ARHGAP32: variants seen among roughly 807,000 people sequenced by gnomAD.
ARHGAP32 encodes Rho GTPase activating protein 32, also known as rho GTPase-activating protein 32.
A neutral mutation model predicts 186.5 loss-of-function variants in ARHGAP32; 51 were observed. The ratio of observed to expected loss-of-function variants is 0.27; its 90% CI spans 0.22 to 0.35. ARHGAP32 has a LOEUF of 0.35. Ranked by LOEUF, ARHGAP32 falls within the 10% of genes least tolerant of loss-of-function variation. ARHGAP32 has a pLI of 1.00. For synonymous variants in ARHGAP32, 950 were observed against 964.3 expected (o/e 0.99, Z 0.27); for missense variants, 2,186 against 2,623.5 (o/e 0.83, Z 3.64).
At chr11:129,052,471 T>C (rs142469343) in intron 10 of ARHGAP32, among the ~76,000 whole-genome samples, 1 of 152,348 alleles carries the variant, frequency 6.6e-6, no homozygotes, top group Non-Finnish European at 1.5e-5. Context: ...CTTAGATCAA[T>C]ATGGGAAGAA....
chr11:129,075,295 A>C (rs1220657232), intron 6 of ARHGAP32, among the ~76,000 whole-genome samples: 1 of 152,210 alleles, frequency 6.6e-6, no homozygotes, highest in East Asian at 1.9e-4. Context: ...AAAATGATAA[A>C]GAGATGCCAT....
intron 11 of ARHGAP32, among the ~76,000 whole-genome samples, chr11:129,029,630 C>T (rs934751786): frequency 5.3e-5 from 8 of 151,806 alleles, no homozygotes; most frequent in African/African-American, 7.3e-5. Flanking sequence ...GGTGAAACCC[C>T]GTCTCTACTA....
intron 1 of ARHGAP32, among the ~76,000 whole-genome samples, chr11:129,252,925 A>G (rs958888174): frequency 1.3e-5 from 2 of 152,292 alleles, no homozygotes. Context: ...TTGCATATGC[A>G]TCTTAGTAGT....
At chr11:129,245,960 CAA>C (rs1284082024) in intron 1 of ARHGAP32, among the ~76,000 whole-genome samples, 1 of 152,128 alleles carries the variant, frequency 6.6e-6, no homozygotes, top group Non-Finnish European at 1.5e-5. Context: ...ACTTAACCTA[CAA>C]AGATATTCAC....
intron 11 of ARHGAP32, among the ~76,000 whole-genome samples, chr11:129,013,668 G>A (rs1938198508): frequency 6.6e-6 from 1 of 152,098 alleles, no homozygotes; most frequent in African/African-American, 2.4e-5. Context: ...ACTCAAATTT[G>A]AGGATCTAGT....
At chr11:129,094,768 C>T (rs1941683504) in intron 5 of ARHGAP32, among the ~76,000 whole-genome samples, 1 of 152,154 alleles carries the variant, frequency 6.6e-6, no homozygotes, top group South Asian at 2.1e-4. Context: ...CTTTGGACGT[C>T]AATTTGCAAA....
intron 1 of ARHGAP32, among the ~76,000 whole-genome samples, chr11:129,230,567 C>T (rs1463963739): frequency 1.7e-5 from 1 of 60,454 alleles, no homozygotes; most frequent in Admixed American, 2.2e-4. Context: ...ATGGAAAAAG[C>T]AAACAAGTTT....
rs1040452736 is a variant in ARHGAP32, at chr11:128,967,333, G to C, written c.*1574C>G. ...ATTAATTTCAAGTTCTAAAAAGCCA[G>C]AGCAGCAACCATCCAGTAATTGGAA... is the stretch of plus-strand genomic sequence containing the variant. On this transcript the variant is annotated 3_prime_UTR_variant, in exon 23 of 23. Coordinates refer to ENST00000682385, the MANE Select transcript of ARHGAP32 (RefSeq NM_001378024.1). 2.6e-5 allele frequency: 4 copies of C among 152,176 alleles called. No homozygotes were observed. The highest frequency in any genetic ancestry group is 9.7e-5 in the African/African-American group (4 of 41,442). The allele number at this position is 152,176 out of a possible 1,614,324, so 9.4% of individuals were successfully genotyped here.
chr11:129,262,899 C>T (rs1945342493), intron 1 of ARHGAP32, among the ~76,000 whole-genome samples: 1 of 152,136 alleles, frequency 6.6e-6, no homozygotes, highest in African/African-American at 2.4e-5. Context: ...CTATCAGTCA[C>T]ACCTCAATGT....
intron 1 of ARHGAP32, among the ~76,000 whole-genome samples, chr11:129,178,824 T>G (rs1220490422): frequency 2.0e-5 from 3 of 150,316 alleles, no homozygotes; most frequent in Non-Finnish European, 4.5e-5. Flanking sequence ...ATATTAGACC[T>G]AAAACCATAA....
At chr11:129,134,187 G>GA (rs932961606) in intron 2 of ARHGAP32, among the ~76,000 whole-genome samples, 53 of 151,780 alleles carry the variant, frequency 3.5e-4, no homozygotes, top group Middle Eastern at 3.4e-3. Flanking sequence ...AAAAACATCT[G>GA]AAAAAATTCC....
chr11:129,166,943 T>C (rs999202476), intron 1 of ARHGAP32, among the ~76,000 whole-genome samples: 1 of 152,132 alleles, frequency 6.6e-6, no homozygotes, highest in Non-Finnish European at 1.5e-5. Flanking sequence ...ATTTCTCTAT[T>C]GGTTGAGAAG....
chr11:128,981,190 T>A (rs1445056327), intron 17 of ARHGAP32, among the ~76,000 whole-genome samples: 1 of 152,176 alleles, frequency 6.6e-6, no homozygotes, highest in Non-Finnish European at 1.5e-5. Flanking sequence ...GAACGACAAG[T>A]TTTTTAATGT....
chr11:129,098,406 ATTTTTC>A (rs1428938559), intron 5 of ARHGAP32, among the ~76,000 whole-genome samples: 1 of 151,414 alleles, frequency 6.6e-6, no homozygotes, highest in East Asian at 1.9e-4. Context: ...AGCATTATTT[ATTTTTC>A]TTTTTCTTTT....
At chr11:129,154,800 G>A (rs1819201005) in intron 2 of ARHGAP32, among the ~76,000 whole-genome samples, 1 of 151,980 alleles carries the variant, frequency 6.6e-6, no homozygotes, top group African/African-American at 2.4e-5. Context: ...AGGGTGACAG[G>A]TGCACCAAAA....
At chr11:128,994,516 G>A (rs945814934) in intron 12 of ARHGAP32, among the ~76,000 whole-genome samples, 1 of 151,770 alleles carries the variant, frequency 6.6e-6, no homozygotes, top group Non-Finnish European at 1.5e-5. Context: ...TGTTAAACGT[G>A]CCATGTTGCC....
chr11:129,059,746 C>T (rs1487224427), intron 10 of ARHGAP32, among the ~76,000 whole-genome samples: 1 of 152,080 alleles, frequency 6.6e-6, no homozygotes, highest in Non-Finnish European at 1.5e-5. Flanking sequence ...GATCCACCCA[C>T]CTCGGCCTCC....
intron 2 of ARHGAP32, among the ~76,000 whole-genome samples, chr11:129,138,445 C>T (rs1032599631): frequency 2.0e-5 from 3 of 151,960 alleles, no homozygotes; most frequent in African/African-American, 4.8e-5. Flanking sequence ...ATATGGAAAA[C>T]TTGCAAAACT....
chr11:129,251,492 A>C (rs957254546), intron 1 of ARHGAP32, among the ~76,000 whole-genome samples: 1 of 152,226 alleles, frequency 6.6e-6, no homozygotes, highest in Admixed American at 6.5e-5. Context: ...CTCAATGTTT[A>C]AGTGCAACTA....
Sources: allele counts gnomAD v4.1 joint callset (sites outside exome capture counted in the v4.1 genomes callset), GRCh38; gene constraint gnomAD v4.1.1; transcripts MANE v1.5; gene names NCBI Gene and HGNC (gene_info 2026-07-23, HGNC 2026-07-21).